The following ARFGAP1 variants were observed in gnomAD, a reference collection of about 807,000 sequenced individuals.
ARFGAP1 encodes the protein ADP-ribosylation factor GTPase-activating protein 1.
A neutral mutation model predicts 54.0 loss-of-function variants in ARFGAP1; 26 were observed. That is an observed-to-expected ratio of 0.48 (90% CI 0.35 to 0.67). The LOEUF is 0.67. Among genes scored for constraint, ARFGAP1 ranks in the 30% least tolerant of loss-of-function variants. ARFGAP1 has a pLI of 0.00. For synonymous variants in ARFGAP1, 248 were observed against 211.9 expected (o/e 1.17, Z -1.48); for missense variants, 525 against 535.8 (o/e 0.98, Z 0.20).
At chr20:63,281,472 C>T (rs1019521778) in intron 8 of ARFGAP1, 125 bp downstream of exon 8, 11 of 1,230,146 alleles carry the variant, frequency 8.9e-6, no homozygotes, top group African/African-American at 7.4e-5. Context: ...GGTGCTGTAA[C>T]CATGGGCTGT....
chr20:63,286,667 G>T (rs567582506), intron 12 of ARFGAP1: 4 of 542,066 alleles, frequency 7.4e-6, no homozygotes, highest in Admixed American at 3.2e-5. Context: ...GAGGCTTTCC[G>T]AGTGCTCTGC....
rs2067619786 is a variant in ARFGAP1 at position 63,288,273 on chromosome 20, C to G, written c.*400C>G. On this transcript the variant is annotated 3_prime_UTR_variant, in exon 13 of 13. Transcript: ENST00000370283. ...GAGCTGTCAGCGACGTGAGGTGTCC[C>G]TTCTCGTTGAGATATTTAACTTTGG... The G allele has an allele frequency of 2.0e-6, 1 of 505,264 alleles. No individual in the cohort carries two copies. The allele number at this position is 505,264 out of a possible 1,614,324, so 31.3% of individuals were successfully genotyped here.
At position 63,288,293 on chromosome 20, in the gene ARFGAP1, CT is replaced by C. The variant is rs1289174755; in HGVS notation, c.*423del. On this transcript the variant is annotated 3_prime_UTR_variant, in exon 13 of 13. Coordinates refer to ENST00000370283, the MANE Select transcript of ARFGAP1 (RefSeq NM_018209.4). ...TGTCCCTTCTCGTTGAGATATTTAACTTTGGTTTTGCTCTAGTTCTTTCTTT... is the reference window on the plus strand; with the variant it reads ...TGTCCCTTCTCGTTGAGATATTTAACTTGGTTTTGCTCTAGTTCTTTCTTT... 2.1e-6 allele frequency: 1 copy of C among 477,890 alleles called. No homozygotes were observed. The allele number at this position is 477,890 out of a possible 1,614,324, so 29.6% of individuals were successfully genotyped here. A position where few individuals can be genotyped will look rare whatever the true frequency, so the allele number is the denominator to read the frequency against.
intron 1 of ARFGAP1, chr20:63,274,259 A>G (rs2067174255): frequency 8.3e-6 from 1 of 120,600 alleles, no homozygotes; most frequent in Non-Finnish European, 1.6e-5. Context: ...ACTGGTCAAT[A>G]CTAGGAGTCA....
intron 1 of ARFGAP1, among the ~76,000 whole-genome samples, chr20:63,274,661 C>T (rs1183177937): frequency 3.3e-5 from 5 of 152,174 alleles, no homozygotes; most frequent in East Asian, 3.8e-4. Flanking sequence ...GGTCTGCTGC[C>T]TCCAGGCTGG....
At chr20:63,283,781 G>A (rs886377003) in intron 9 of ARFGAP1, 3 of 1,585,808 alleles carry the variant, frequency 1.9e-6, no homozygotes, top group Non-Finnish European at 2.6e-6. Flanking sequence ...GGGTTCGAAG[G>A]CGCTGCTGGT....
At chr20:63,286,494 C>T (rs371385787) in intron 12 of ARFGAP1, 52 bp downstream of exon 12, 2 of 1,552,636 alleles carry the variant, frequency 1.3e-6, no homozygotes, top group African/African-American at 2.7e-5. Flanking sequence ...GCCTTGGCCA[C>T]TCCTCCTACA....
Position 63,288,891 on chromosome 20 carries a change from T to C in ARFGAP1, c.*1018T>C. 3.7e-6 allele frequency: 1 copy of C among 268,426 alleles called. No homozygotes were observed. Among genetic ancestry groups the C allele is most frequent in the Non-Finnish European group, 7.5e-6 (1 of 133,234 alleles). The allele number at this position is 268,426 out of a possible 1,614,324, so 16.6% of individuals were successfully genotyped here. A position where few individuals can be genotyped will look rare whatever the true frequency, so the allele number is the denominator to read the frequency against. Reference sequence around the variant, plus strand: ...TGCATGCGCCCGAAGCTCGTGCAGTTTGTACGTGAGGTGCTCTCCTCCCTG... The same window carrying C: ...TGCATGCGCCCGAAGCTCGTGCAGTCTGTACGTGAGGTGCTCTCCTCCCTG... On this transcript the variant is annotated 3_prime_UTR_variant, in exon 13 of 13. Coordinates refer to ENST00000370283, the MANE Select transcript of ARFGAP1 (RefSeq NM_018209.4).
At position 63,288,223 on chromosome 20, in the gene ARFGAP1, T is replaced by G; in HGVS notation, c.*350T>G. 1 of 542,274 alleles carries G rather than the reference T, an allele frequency of 1.8e-6. No homozygotes were observed. Among genetic ancestry groups the G allele is most frequent in the East Asian group, 4.1e-5 (1 of 24,504 alleles). The allele number at this position is 542,274 out of a possible 1,614,324, so 33.6% of individuals were successfully genotyped here. A position where few individuals can be genotyped will look rare whatever the true frequency, so the allele number is the denominator to read the frequency against. On this transcript the variant is annotated 3_prime_UTR_variant, in exon 13 of 13. Transcript: ENST00000370283. ...CGGCCAGTTCACTACGCAGTATCTC[T>G]GGGGCCTGGGACCAGCCACGTGCCG...
chr20:63,275,370 G>T (rs1280903044), intron 1 of ARFGAP1, among the ~76,000 whole-genome samples: 1 of 152,216 alleles, frequency 6.6e-6, no homozygotes, highest in African/African-American at 2.4e-5. Flanking sequence ...CAGCCTGGGA[G>T]CCTCCTGGGG....
intron 7 of ARFGAP1, among the ~76,000 whole-genome samples, chr20:63,281,089 G>C (rs1417628364): frequency 6.6e-6 from 1 of 152,208 alleles, no homozygotes; most frequent in East Asian, 1.9e-4. Context: ...GGCGAGGTGG[G>C]GGTAGAGGGT....
At position 63,276,866 on chromosome 20, in the gene ARFGAP1, CA is replaced by C. The variant is rs772284902; in HGVS notation, c.342+216del. On this transcript the variant is annotated intron_variant, in intron 4 of 12. Coordinates refer to ENST00000370283, the MANE Select transcript of ARFGAP1 (RefSeq NM_018209.4). The surrounding 1 kb of genome is among the most constrained non-coding windows in gnomAD (Gnocchi z 5.2). The stretch of plus-strand genomic sequence containing the variant: ...GGGGGAGACAGACCTTCCCCGCCTC[CA>C]GGGGAGAAAGCAGCTGTGACCGTTT... 5.0e-5 allele frequency: 29 copies of C among 574,556 alleles called. No individual in the cohort carries two copies. The highest frequency in any genetic ancestry group is 2.6e-4 in the East Asian group (9 of 35,052). 35.6% of individuals were successfully genotyped at this position (574,556 alleles called of 1,614,324 possible). A position where few individuals can be genotyped will look rare whatever the true frequency, so the allele number is the denominator to read the frequency against.
chr20:63,288,180 C>A lies in ARFGAP1; in HGVS notation c.*307C>A. ...TGGGAGGTGGGCTGCAGCACAGAGG[C>A]CTGTGACTGCGTTCCAGCGGCCAGT... On this transcript the variant is annotated 3_prime_UTR_variant, in exon 13 of 13. Transcript: ENST00000370283. The A allele has an allele frequency of 1.7e-6, 1 of 581,680 alleles. No individual in the cohort carries two copies. Among genetic ancestry groups the A allele is most frequent in the South Asian group, 1.8e-5 (1 of 56,824 alleles). The allele number at this position is 581,680 out of a possible 1,614,324, so 36.0% of individuals were successfully genotyped here. A position where few individuals can be genotyped will look rare whatever the true frequency, so the allele number is the denominator to read the frequency against.
At position 63,286,203 on chromosome 20, in the gene ARFGAP1, C is replaced by A. The variant is rs527563237; in HGVS notation, c.835-163C>A. On this transcript the variant is annotated intron_variant, in intron 11 of 12. Coordinates refer to ENST00000370283, the MANE Select transcript of ARFGAP1 (RefSeq NM_018209.4). ...ACACCTGGCACCGCTGCAGAGTGGC[C>A]GGGGCGTCTGTGTCTGTACGTGTGT... 792 of 1,549,014 alleles carry A rather than the reference C, an allele frequency of 5.1e-4. 1 individual carries two copies. The highest frequency in any genetic ancestry group is 6.7e-4 in the Non-Finnish European group (766 of 1,145,894).
chr20:63,277,176 C>T lies in ARFGAP1; in HGVS notation c.343-29C>T, dbSNP rs776626724. 1.1e-5 allele frequency: 18 copies of T among 1,599,004 alleles called. No individual in the cohort carries two copies. In the Admixed American group the frequency reaches 3.0e-4, roughly 27 times the overall value. Reference sequence around the variant, plus strand: ...GAGGGCATCGCCAGGCGCCTTTATGCTCTCGAATGCCCTGTGTCTCCTTGT... The same window carrying T: ...GAGGGCATCGCCAGGCGCCTTTATGTTCTCGAATGCCCTGTGTCTCCTTGT... On this transcript the variant is annotated intron_variant, in intron 4 of 12. Transcript: ENST00000370283.
chr20:63,287,132 A>G (rs571811393), intron 12 of ARFGAP1, among the ~76,000 whole-genome samples: 1 of 152,344 alleles, frequency 6.6e-6, no homozygotes, highest in African/African-American at 2.4e-5. Flanking sequence ...CCCTCTGTGT[A>G]TGTGGTTTTT....
Position 63,288,835 on chromosome 20 carries a change from G to A in ARFGAP1, c.*962G>A, listed in dbSNP as rs2067637534. The A allele has an allele frequency of 9.5e-6, 3 of 314,700 alleles. No homozygotes were observed. Among genetic ancestry groups the A allele is most frequent in the African/African-American group, 4.3e-5 (2 of 46,348 alleles). 19.5% of individuals were successfully genotyped at this position (314,700 alleles called of 1,614,324 possible). On this transcript the variant is annotated 3_prime_UTR_variant, in exon 13 of 13. Transcript: ENST00000370283. ...CACGTGTGACTCGTCTCCCTTGTCT[G>A]CCCTGTGTGACCCTCAGTCTTGGCC...
rs1466396077 is a variant in ARFGAP1 at position 63,287,915 on chromosome 20, G to A, written c.*42G>A. 1.4e-5 allele frequency: 20 copies of A among 1,463,212 alleles called. No homozygotes were observed. Among genetic ancestry groups the A allele is most frequent in the Admixed American group, 7.3e-5 (3 of 40,904 alleles). The allele number at this position is 1,463,212 out of a possible 1,614,324, so 90.6% of individuals were successfully genotyped here. A position where few individuals can be genotyped will look rare whatever the true frequency, so the allele number is the denominator to read the frequency against. On this transcript the variant is annotated 3_prime_UTR_variant, in exon 13 of 13. Transcript: ENST00000370283. The stretch of plus-strand genomic sequence containing the variant: ...GTCCCCAGCGCCCCCGGGCGACTTC[G>A]TGTTTGCACTCTGCCCTCGTCGTTC...
chr20:63,277,168 C>A (rs772018305), intron 4 of ARFGAP1, 37 bp from the exon 5 acceptor site: 46 of 1,584,048 alleles, frequency 2.9e-5, no homozygotes, highest in Non-Finnish European at 3.8e-5. Flanking sequence ...TCGCCAGGCG[C>A]CTTTATGCTC....
Sources: gnomAD v4.1 joint callset for allele counts (sites outside exome capture counted in the v4.1 genomes callset) on GRCh38, gnomAD v4.1.1 for gene constraint, Gnocchi (gnomAD v3.1) non-coding constraint, MANE v1.5 for transcripts, NCBI Gene and HGNC (gene_info 2026-07-23, HGNC 2026-07-21) for gene names.